The following APOBEC3H variants were observed in gnomAD, a reference collection of about 807,000 sequenced individuals.
The protein encoded by APOBEC3H is DNA dC->dU-editing enzyme APOBEC-3H.
In APOBEC3H, 8 loss-of-function variants were observed where a neutral mutation model predicts 21.2. The observed-to-expected ratio is 0.38, with a 90% confidence interval of 0.22 to 0.68. The LOEUF (loss-of-function observed/expected upper bound fraction) is 0.68, where lower values mean the gene tolerates loss of function less well. Among genes scored for constraint, APOBEC3H ranks in the 30% least tolerant of loss-of-function variants. APOBEC3H has a pLI of 0.52. For missense variants in APOBEC3H, 229 were observed against 228.1 expected (o/e 1.00, Z -0.03); for synonymous variants, 88 against 91.0 (o/e 0.97, Z 0.19).
At chr22:39,098,171 G>C (rs775822332) in intron 1 of APOBEC3H, among the ~76,000 whole-genome samples, 3 of 152,234 alleles carry the variant, frequency 2.0e-5, no homozygotes, top group African/African-American at 4.8e-5. Context: ...GCAGCCTCAC[G>C]TGAGCTCAGA....
chr22:39,104,003 C>T lies in APOBEC3H; in HGVS notation c.*306C>T, dbSNP rs185370782. The T allele has an allele frequency of 8.1e-5, 37 of 459,080 alleles. 1 individual carries two copies. Among genetic ancestry groups the T allele is most frequent in the South Asian group, 6.2e-4 (21 of 33,776 alleles). 28.4% of individuals were successfully genotyped at this position (459,080 alleles called of 1,614,324 possible). ...AAATCCAGCCGGGTACGGTGGCTCA[C>T]GCCTGTAATCCTAGCACTTTGGGAG... On this transcript the variant is annotated 3_prime_UTR_variant, in exon 5 of 5. Coordinates refer to ENST00000442487, the MANE Select transcript of APOBEC3H (RefSeq NM_181773.5).
chr22:39,102,734 G>A, intron 4 of APOBEC3H: 2 of 555,896 alleles, frequency 3.6e-6, no homozygotes, highest in Non-Finnish European at 6.6e-6. Context: ...AGGCACAGTG[G>A]CTCACGCCTG....
At position 39,103,894 on chromosome 22, in the gene APOBEC3H, C is replaced by T; in HGVS notation, c.*197C>T. On this transcript the variant is annotated 3_prime_UTR_variant, in exon 5 of 5. Coordinates refer to ENST00000442487, the MANE Select transcript of APOBEC3H (RefSeq NM_181773.5). ...CTGGCCCCATCCAAGTACAGAAGAC[C>T]TTCCTTTCCTCCTTTTTCCATATTG... 1 of 641,784 alleles carries T rather than the reference C, an allele frequency of 1.6e-6. No individual in the cohort carries two copies. The highest frequency in any genetic ancestry group is 2.8e-6 in the Non-Finnish European group (1 of 356,378). 39.8% of individuals were successfully genotyped at this position (641,784 alleles called of 1,614,324 possible). A position where few individuals can be genotyped will look rare whatever the true frequency, so the allele number is the denominator to read the frequency against.
intron 1 of APOBEC3H, among the ~76,000 whole-genome samples, chr22:39,097,784 TG>T (rs1459644252): frequency 6.6e-6 from 1 of 152,152 alleles, no homozygotes; most frequent in Non-Finnish European, 1.5e-5. Flanking sequence ...GGAGAGGGTG[TG>T]GGGAGGCAAT....
chr22:39,103,505 G>C (rs1230751876), intron 4 of APOBEC3H, among the ~76,000 whole-genome samples, 184 bp from the exon 5 acceptor site: 1 of 152,208 alleles, frequency 6.6e-6, no homozygotes, highest in Non-Finnish European at 1.5e-5. Context: ...TATCAACAGA[G>C]TAAACAGACA....
chr22:39,101,924 C>T lies in APOBEC3H; in HGVS notation c.425C>T (p.Ala142Val). The change falls in exon 4 of 5, where the codon GCT (alanine) becomes GTT (valine). Residue 142 changes from alanine (A) to valine (V), a missense_variant. Transcript: ENST00000442487. Reference protein sequence around the residue: ...PVEVMGFPEFADCWENFVDHE... With the variant: ...PVEVMGFPEFVDCWENFVDHE... ...TTTCCCTCTTCCCTCTCAGAGTTTG[C>T]TGACTGCTGGGAAAACTTTGTGGAC... 1 of 1,613,898 alleles carries T rather than the reference C, an allele frequency of 6.2e-7. No individual in the cohort carries two copies.
chr22:39,099,574 A>G (rs529751508), intron 1 of APOBEC3H, among the ~76,000 whole-genome samples: 21 of 152,314 alleles, frequency 1.4e-4, no homozygotes, highest in Admixed American at 1.0e-3. Flanking sequence ...AGCAGCTCAG[A>G]GCAGCTCTGA....
rs1929062060 is a variant in APOBEC3H at position 39,097,307 on chromosome 22, G to C, written c.-44G>C. 1 of 152,258 alleles carries C rather than the reference G, an allele frequency of 6.6e-6. No individual in the cohort carries two copies. The highest frequency in any genetic ancestry group is 1.5e-5 in the Non-Finnish European group (1 of 68,074). 9.4% of individuals were successfully genotyped at this position (152,258 alleles called of 1,614,324 possible). ...TAGTGCCTCAGACAAGCAGGGGCAA[G>C]TCTGCTAAGGAAGCTGTGGCCAGAA... On this transcript the variant is annotated 5_prime_UTR_variant, in exon 1 of 5. Coordinates refer to ENST00000442487, the MANE Select transcript of APOBEC3H (RefSeq NM_181773.5).
rs569605713 is a variant in APOBEC3H, at chr22:39,101,843, G to C, written c.419-75G>C. ...GTCCAGGGAGAGGAAGAGAAGAGAG[G>C]GGAAAGGAAGCAAGAGCTCCTGGCA... On this transcript the variant is annotated intron_variant, in intron 3 of 4. Coordinates refer to ENST00000442487, the MANE Select transcript of APOBEC3H (RefSeq NM_181773.5). 5.4e-4 allele frequency: 864 copies of C among 1,605,340 alleles called. 2 individuals are homozygous for C. Among genetic ancestry groups the C allele is most frequent in the South Asian group, 9.1e-4 (83 of 90,718 alleles).
chr22:39,099,728 G>A (rs927174851), intron 1 of APOBEC3H, among the ~76,000 whole-genome samples: 1 of 152,212 alleles, frequency 6.6e-6, no homozygotes, highest in African/African-American at 2.4e-5. Context: ...CAGGTGGGAG[G>A]ATGGGAGATA....
intron 1 of APOBEC3H, among the ~76,000 whole-genome samples, chr22:39,097,929 G>GT (rs139278): frequency 0.39 from 59,358 of 151,912 alleles, 11,862 homozygotes; most frequent in South Asian, 0.46. Context: ...AATGACACCA[G>GT]TAACACGGAA....
In APOBEC3H at chr22:39,103,586, A is replaced by G. The variant is rs905048605; in HGVS notation, c.544-103A>G. On this transcript the variant is annotated intron_variant, in intron 4 of 4. Transcript: ENST00000442487. Reference sequence around the variant, plus strand: ...AGGCCTTCTGGGCCCTTCTGGTGCCAGTTCTTTTCTCTTCCTAATGATCTC... The same window carrying G: ...AGGCCTTCTGGGCCCTTCTGGTGCCGGTTCTTTTCTCTTCCTAATGATCTC... The G allele has an allele frequency of 4.7e-6, 6 of 1,264,222 alleles. No homozygotes were observed. The South Asian group carries it at 6.0e-5, about 13-fold the overall frequency. The allele number at this position is 1,264,222 out of a possible 1,614,324, so 78.3% of individuals were successfully genotyped here. A position where few individuals can be genotyped will look rare whatever the true frequency, so the allele number is the denominator to read the frequency against.
chr22:39,101,037 T>C (rs1017230787), intron 2 of APOBEC3H, among the ~76,000 whole-genome samples, 200 bp from the exon 3 acceptor site: 1 of 152,094 alleles, frequency 6.6e-6, no homozygotes, highest in African/African-American at 2.4e-5. Flanking sequence ...CACGGGTGCG[T>C]GAGTGCAGGG....
At chr22:39,098,207 C>T (rs1383121914) in intron 1 of APOBEC3H, among the ~76,000 whole-genome samples, 1 of 152,222 alleles carries the variant, frequency 6.6e-6, no homozygotes, top group African/African-American at 2.4e-5. Flanking sequence ...GAAGAGTGGC[C>T]TGGGCCTGGG....
At chr22:39,098,886 G>C (rs1326043693) in intron 1 of APOBEC3H, among the ~76,000 whole-genome samples, 3 of 152,184 alleles carry the variant, frequency 2.0e-5, no homozygotes, top group African/African-American at 7.2e-5. Flanking sequence ...GGGGAGACAG[G>C]AGGTGAGCGC....
intron 4 of APOBEC3H, among the ~76,000 whole-genome samples, 160 bp from the exon 5 acceptor site, chr22:39,103,529 A>G (rs1437731666): frequency 6.6e-6 from 1 of 152,194 alleles, no homozygotes; most frequent in Non-Finnish European, 1.5e-5. Context: ...TCCCTTTTCT[A>G]AGATGCTCTT....
intron 3 of APOBEC3H, 93 bp from the exon 4 acceptor site, chr22:39,101,825 G>T: frequency 1.3e-6 from 2 of 1,583,792 alleles, no homozygotes; most frequent in South Asian, 1.1e-5. Context: ...AATGTCCAGG[G>T]AGAGGAAGAG....
At chr22:39,099,269 A>G (rs574851404) in intron 1 of APOBEC3H, among the ~76,000 whole-genome samples, 1 of 152,348 alleles carries the variant, frequency 6.6e-6, no homozygotes, top group East Asian at 1.9e-4. Flanking sequence ...TGTAATCACA[A>G]TTCAGGAGAG....
chr22:39,102,962 C>CAA lies in APOBEC3H; in HGVS notation c.544-699_544-698dup, dbSNP rs58524849. On this transcript the variant is annotated intron_variant, in intron 4 of 4. Transcript: ENST00000442487. ...TGGGCAACAAAGCAAGACTCTGTCC[C>CAA]AAAAAAAAAAAAAAAAAAAAAAAAA... is the stretch of plus-strand genomic sequence containing the variant. 3.2e-3 allele frequency among the ~76,000 whole-genome samples: 301 copies of CAA among 94,014 alleles called. 3 individuals are homozygous for CAA. The highest frequency in any genetic ancestry group is 3.8e-3 in the African/African-American group (104 of 27,276). 61.7% of individuals were successfully genotyped at this position (94,014 alleles called of 152,430 possible). A position where few individuals can be genotyped will look rare whatever the true frequency, so the allele number is the denominator to read the frequency against.
Sources: allele counts gnomAD v4.1 joint callset (sites outside exome capture counted in the v4.1 genomes callset), GRCh38; gene constraint gnomAD v4.1.1; transcripts MANE v1.5; gene names NCBI Gene and HGNC (gene_info 2026-07-23, HGNC 2026-07-21).